Variants in ANKMY1 observed in about 807,000 individuals in gnomAD.
The protein encoded by ANKMY1 is ankyrin repeat and MYND domain containing 1.
Under a neutral mutation model 102.0 loss-of-function variants are expected in ANKMY1, and 98 were observed. The ratio of observed to expected loss-of-function variants is 0.96; its 90% CI spans 0.82 to 1.14. ANKMY1 has a LOEUF of 1.14. ANKMY1 is among the 50% of genes most tolerant of loss of function. The probability of loss-of-function intolerance (pLI) is 0.00; values close to 1 mark genes in which losing one functional copy is unlikely to be tolerated. For synonymous variants in ANKMY1, 582 were observed against 559.9 expected, an observed-to-expected ratio of 1.04 and a Z score of -0.56; for missense variants, 1,330 against 1,347.6, an observed-to-expected ratio of 0.99 and a Z score of 0.20.
chr2:240,505,002 T>C lies in ANKMY1; in HGVS notation c.2526+2558A>G, dbSNP rs190337841. Among the ~76,000 whole-genome samples, 4 of 151,346 alleles carry C rather than the reference T, an allele frequency of 2.6e-5. No homozygotes were observed. In the East Asian group the frequency reaches 7.9e-4, roughly 30 times the overall value. On this transcript the variant is annotated intron_variant, in intron 13 of 17. Coordinates refer to ENST00000401804, the MANE Select transcript of ANKMY1 (RefSeq NM_001282771.3). Reference sequence around the variant, plus strand: ...ACTCTGTTAAACACACACACACACATACACACAATAAAATACCATCTCGCA... The same window carrying C: ...ACTCTGTTAAACACACACACACACACACACACAATAAAATACCATCTCGCA...
At chr2:240,541,105 A>G (rs1253891952) in intron 4 of ANKMY1, among the ~76,000 whole-genome samples, 1 of 152,150 alleles carries the variant, frequency 6.6e-6, no homozygotes. Flanking sequence ...AAGCACCCCA[A>G]CTGTTTCAGT....
At chr2:240,556,967 G>A (rs1316246280) in intron 2 of ANKMY1, among the ~76,000 whole-genome samples, 3 of 152,220 alleles carry the variant, frequency 2.0e-5, no homozygotes, top group Admixed American at 1.3e-4. Context: ...GGGTGGCAGA[G>A]TGTGCAGGCA....
chr2:240,541,372 C>T lies in ANKMY1; in HGVS notation c.480+11542G>A, dbSNP rs569196990. The stretch of plus-strand genomic sequence containing the variant: ...TTTTGGTGATTGTTTGTGTGTGTGT[C>T]GTGGGAAATTAAGCTTCAGTAAACT... On this transcript the variant is annotated intron_variant, in intron 4 of 17. Transcript: ENST00000401804. Among the ~76,000 whole-genome samples, 5 of 151,932 alleles carry T rather than the reference C, an allele frequency of 3.3e-5. No individual in the cohort carries two copies. In the South Asian group the frequency reaches 6.2e-4, roughly 19 times the overall value.
the ANKMY1 span, among the ~76,000 whole-genome samples, chr2:240,473,097 C>T: frequency 7.2e-6 from 1 of 138,912 alleles, no homozygotes; most frequent in South Asian, 2.3e-4. Flanking sequence ...GTACTCCAGC[C>T]TGGGCGACAA....
chr2:240,509,261 T>A, intron 12 of ANKMY1, 87 bp downstream of exon 12: 1 of 1,152,572 alleles, frequency 8.7e-7, no homozygotes, highest in Non-Finnish European at 1.2e-6. Context: ...GGCCAACAAC[T>A]TCAAATCCCA....
chr2:240,511,438 TA>T (rs2152205858), intron 11 of ANKMY1, among the ~76,000 whole-genome samples: 1 of 152,278 alleles, frequency 6.6e-6, no homozygotes, highest in Admixed American at 6.5e-5. Context: ...TGGTAGGAAT[TA>T]ACCCTCGAGG....
chr2:240,550,511 A>G (rs951210465), intron 4 of ANKMY1, among the ~76,000 whole-genome samples: 1 of 152,134 alleles, frequency 6.6e-6, no homozygotes, highest in African/African-American at 2.4e-5. Flanking sequence ...CTTAAAGTAT[A>G]ATAATAATAA....
chr2:240,539,616 CCTT>C (rs2088060797), intron 4 of ANKMY1, among the ~76,000 whole-genome samples: 1 of 152,190 alleles, frequency 6.6e-6, no homozygotes, highest in Non-Finnish European at 1.5e-5. Flanking sequence ...ACTCAAATGT[CCTT>C]CATCAGGGGA....
At chr2:240,560,646 G>A, upstream of ANKMY1, 1 of 1,462,426 alleles carries the variant, frequency 6.8e-7, no homozygotes. Flanking sequence ...CCCCAAAATA[G>A]ATCCTCAGGG....
chr2:240,538,135 C>T (rs1403614889), intron 4 of ANKMY1, among the ~76,000 whole-genome samples: 2 of 152,212 alleles, frequency 1.3e-5, no homozygotes, highest in Non-Finnish European at 2.9e-5. Flanking sequence ...TAGCAGCCCT[C>T]GCTCACTCTC....
intron 4 of ANKMY1, among the ~76,000 whole-genome samples, chr2:240,545,080 C>G: frequency 6.6e-6 from 1 of 151,804 alleles, no homozygotes; most frequent in African/African-American, 2.4e-5. Context: ...AAAAAGACAA[C>G]AGTAACCTCT....
In ANKMY1 at chr2:240,529,765, G is replaced by T. The variant is rs74630017; in HGVS notation, c.481-256C>A. 0.018 allele frequency among the ~76,000 whole-genome samples: 2,810 copies of T among 152,260 alleles called. 103 individuals are homozygous for T. Among genetic ancestry groups the T allele is most frequent in the African/African-American group, 0.065 (2,679 of 41,522 alleles). On this transcript the variant is annotated intron_variant, in intron 4 of 17. Transcript: ENST00000401804. This position sits in a 1 kb window ranked among gnomAD's most constrained non-coding sequence, Gnocchi z 4.2. ...GGGGGCAGCCAGGGAGGTCTCAGTG[G>T]CCTCTGAGGTGAGGACATGATGGAA...
intron 9 of ANKMY1, among the ~76,000 whole-genome samples, chr2:240,518,896 T>A (rs1028107384): frequency 1.3e-5 from 2 of 152,198 alleles, no homozygotes; most frequent in South Asian, 2.1e-4. Context: ...GCTGAAAGGC[T>A]GTGCACTAAG....
intron 9 of ANKMY1, 73 bp from the exon 10 acceptor site, chr2:240,513,015 C>T (rs2152234831): frequency 1.9e-6 from 3 of 1,539,484 alleles, no homozygotes; most frequent in Admixed American, 3.8e-5. Flanking sequence ...ACCTGAGGGA[C>T]CCAAATGCCA....
chr2:240,559,203 A>C (rs2092725418), upstream of ANKMY1, among the ~76,000 whole-genome samples: 1 of 152,222 alleles, frequency 6.6e-6, no homozygotes, highest in South Asian at 2.1e-4. Flanking sequence ...ATGGAGTGGG[A>C]GCATGATGGT....
chr2:240,512,929 G>A lies in ANKMY1; in HGVS notation c.2018C>T (p.Thr673Ile), dbSNP rs1037206052. Reference sequence around the variant, plus strand: ...AAGGGCGGCAGCGATGTGGAGTGGTGTCAGGGTGCTCAGCTGCAGAGGAAA... The same window carrying A: ...AAGGGCGGCAGCGATGTGGAGTGGTATCAGGGTGCTCAGCTGCAGAGGAAA... ...ICFPPQLSTL[T>I]PLHIAAALPG... is the part of the protein sequence containing the mutation. The change falls in exon 10 of 18, where the codon ACA becomes ATA. Residue 673 changes from threonine (T) to isoleucine (I), a missense_variant. Thr to Ile is a moderately conservative substitution (Grantham distance 89, BLOSUM62 -1). Transcript: ENST00000401804. The A allele has an allele frequency of 2.5e-6, 4 of 1,613,266 alleles. No individual in the cohort carries two copies. Among genetic ancestry groups the A allele is most frequent in the Non-Finnish European group, 2.5e-6 (3 of 1,179,616 alleles).
chr2:240,541,731 T>C (rs137923121), intron 4 of ANKMY1, among the ~76,000 whole-genome samples: 4,931 of 151,348 alleles, frequency 0.033, 110 homozygotes, highest in Middle Eastern at 0.13. Flanking sequence ...CTTGATCTCC[T>C]GACCTCGTGA....
At position 240,557,320 on chromosome 2, in the gene ANKMY1, C is replaced by T. The variant is rs1270096471; in HGVS notation, c.16G>A (p.Ala6Thr). Residue 6 changes from alanine (A) to threonine (T), a missense_variant, in exon 2 of 18, where the codon GCC (alanine) becomes ACC (threonine). Transcript: ENST00000401804. ...ACTTCGTCCTCTAAGCTAAGGGAGG[C>T]ATGGGCCCCTTCCATGTCTGTGGTC... is the stretch of plus-strand genomic sequence containing the variant. Reference protein sequence around the residue: MEGAHASLSLEDEVSG... With the variant: MEGAHTSLSLEDEVSG... 1.9e-6 allele frequency: 3 copies of T among 1,574,800 alleles called. No individual in the cohort carries two copies. The African/African-American group carries it at 4.1e-5, about 22-fold the overall frequency.
downstream of ANKMY1, among the ~76,000 whole-genome samples, chr2:240,476,561 C>T (rs1047918447): frequency 6.6e-6 from 1 of 152,148 alleles, no homozygotes; most frequent in Non-Finnish European, 1.5e-5. Flanking sequence ...CCTGTCCTGG[C>T]AGATGTGAAA....
Sources: allele counts gnomAD v4.1 joint callset (sites outside exome capture counted in the v4.1 genomes callset), GRCh38; gene constraint gnomAD v4.1.1; non-coding constraint Gnocchi (gnomAD v3.1); transcripts MANE v1.5; gene names NCBI Gene and HGNC (gene_info 2026-07-23, HGNC 2026-07-21).